Variants in MIGA1 observed in about 807,000 individuals in gnomAD.
MIGA1 encodes family with sequence similarity 73, member A.
MIGA1 carries 58 observed loss-of-function variants against 82.0 expected under a neutral mutation model. That is an observed-to-expected ratio of 0.71 (90% CI 0.57 to 0.88). The LOEUF is 0.88. Among genes scored for constraint, MIGA1 ranks in the 40% least tolerant of loss-of-function variants. The pLI is 0.00. For missense variants in MIGA1, 751 were observed against 749.1 expected, an observed-to-expected ratio of 1.00 and a Z score of -0.03; for synonymous variants, 249 against 253.6, an observed-to-expected ratio of 0.98 and a Z score of 0.17.
At chr1:77,814,767 G>T (rs895176743) in intron 6 of MIGA1, among the ~76,000 whole-genome samples, 8 of 152,178 alleles carry the variant, frequency 5.3e-5, no homozygotes, top group African/African-American at 1.9e-4. Context: ...GTTTCTCATT[G>T]ACTAGGACTG....
intron 7 of MIGA1, among the ~76,000 whole-genome samples, chr1:77,841,772 C>A (rs11162388): frequency 0.68 from 101,540 of 148,822 alleles, 36,496 homozygotes; most frequent in Non-Finnish European, 0.81. Flanking sequence ...CCTTTCTCTC[C>A]CTCTCTCTCT....
intron 8 of MIGA1, among the ~76,000 whole-genome samples, chr1:77,857,407 G>A (rs1226009046): frequency 6.7e-6 from 1 of 150,362 alleles, no homozygotes; most frequent in African/African-American, 2.5e-5. Context: ...TTTCACTCTT[G>A]TTGCCCAGGC....
intron 2 of MIGA1, among the ~76,000 whole-genome samples, chr1:77,791,466 A>G (rs1682421436): frequency 6.6e-6 from 1 of 151,920 alleles, no homozygotes. Flanking sequence ...ATTTAATATT[A>G]CAAAATAAAC....
intron 7 of MIGA1, among the ~76,000 whole-genome samples, chr1:77,839,452 C>A: frequency 6.6e-6 from 1 of 151,920 alleles, no homozygotes; most frequent in Non-Finnish European, 1.5e-5. Context: ...CTCACTGCAG[C>A]CTTGAACTTA....
At chr1:77,855,787 TTC>T (rs902308837) in intron 8 of MIGA1, among the ~76,000 whole-genome samples, 32 of 152,102 alleles carry the variant, frequency 2.1e-4, no homozygotes, top group African/African-American at 7.2e-4. Flanking sequence ...TCTAGGAGCT[TTC>T]TAGACAACTT....
intron 14 of MIGA1, among the ~76,000 whole-genome samples, chr1:77,871,141 G>A (rs1571026401): frequency 6.7e-6 from 1 of 148,712 alleles, no homozygotes; most frequent in Non-Finnish European, 1.5e-5. Flanking sequence ...AGAGGGAGAG[G>A]GCAGCACATT....
intron 2 of MIGA1, among the ~76,000 whole-genome samples, chr1:77,787,934 G>T (rs1186917183): frequency 2.0e-5 from 3 of 150,852 alleles, no homozygotes; most frequent in African/African-American, 7.3e-5. Flanking sequence ...TCCTGCCTCA[G>T]CCTCCCGAGT....
At chr1:77,786,573 A>G (rs1430541579) in intron 2 of MIGA1, among the ~76,000 whole-genome samples, 2 of 152,124 alleles carry the variant, frequency 1.3e-5, no homozygotes, top group African/African-American at 4.8e-5. Flanking sequence ...TAGATACCCT[A>G]AATCATCTCT....
rs1172179716 is a variant in MIGA1 at position 77,877,460 on chromosome 1, G to A, written c.*2396G>A. 1 of 152,118 alleles carries A rather than the reference G, an allele frequency of 6.6e-6. No individual in the cohort carries two copies. Among genetic ancestry groups the A allele is most frequent in the African/African-American group, 2.4e-5 (1 of 41,422 alleles). The allele number at this position is 152,118 out of a possible 1,614,324, so 9.4% of individuals were successfully genotyped here. ...ATTATTGACGGGAATATGATTAGAA[G>A]TACCAAAACTAAAAATTCCATTATG... On this transcript the variant is annotated 3_prime_UTR_variant, in exon 16 of 16. Coordinates refer to ENST00000370791, the MANE Select transcript of MIGA1 (RefSeq NM_198549.4).
At chr1:77,871,514 A>C (rs1646833940) in intron 14 of MIGA1, among the ~76,000 whole-genome samples, 1 of 152,010 alleles carries the variant, frequency 6.6e-6, no homozygotes, top group African/African-American at 2.4e-5. Flanking sequence ...AAAAAAAAAA[A>C]GAAAAGAAAA....
At chr1:77,817,726 T>C (rs1314194509) in intron 7 of MIGA1, among the ~76,000 whole-genome samples, 1 of 152,168 alleles carries the variant, frequency 6.6e-6, no homozygotes, top group Non-Finnish European at 1.5e-5. Context: ...CTCTCCTCAT[T>C]CTTTAAATCC....
At chr1:77,807,285 C>T (rs1432463482) in intron 5 of MIGA1, among the ~76,000 whole-genome samples, 184 bp downstream of exon 5, 1 of 152,144 alleles carries the variant, frequency 6.6e-6, no homozygotes, top group Non-Finnish European at 1.5e-5. Context: ...CCTCAGCCTC[C>T]TGAGTTGCTG....
At chr1:77,783,423 T>A (rs1255211215) in intron 2 of MIGA1, 72 bp downstream of exon 2, 6 of 881,686 alleles carry the variant, frequency 6.8e-6, no homozygotes, top group African/African-American at 1.7e-5. Context: ...TTACATTATT[T>A]CAGTTTTATT....
At position 77,797,878 on chromosome 1, in the gene MIGA1, G is replaced by A. The variant is rs530985893; in HGVS notation, c.196-3453G>A. On this transcript the variant is annotated intron_variant, in intron 2 of 15. Transcript: ENST00000370791. ...TAGATTCTTTGTAACTTTATAGACA[G>A]CTGTATCATATGTGAATAGTTTTAC... Among the ~76,000 whole-genome samples, 299 of 152,208 alleles carry A rather than the reference G, an allele frequency of 2.0e-3. 1 individual carries two copies. The highest frequency in any genetic ancestry group is 0.019 in the South Asian group (91 of 4,820).
intron 1 of MIGA1, chr1:77,780,029 C>G (rs1246774527): frequency 5.1e-6 from 6 of 1,169,174 alleles, no homozygotes; most frequent in Non-Finnish European, 6.4e-6. Flanking sequence ...GCAAAGGAAG[C>G]GCGGAATTGG....
rs907469507 is a variant in MIGA1 at position 77,848,379 on chromosome 1, A to G, written c.996+4972A>G. The stretch of plus-strand genomic sequence containing the variant: ...AGAGAAGGAAGAGAAAAGCAAAGCA[A>G]AGGAAGAGCGTATGAAAGTAAGGAA... On this transcript the variant is annotated intron_variant, in intron 8 of 15. Transcript: ENST00000370791. The G allele has an allele frequency of 6.4e-6, 7 of 1,091,886 alleles. No individual in the cohort carries two copies. The African/African-American group carries it at 1.1e-4, about 17-fold the overall frequency. The allele number at this position is 1,091,886 out of a possible 1,614,324, so 67.6% of individuals were successfully genotyped here.
chr1:77,859,193 C>T (rs1685374885), intron 9 of MIGA1, 121 bp from the exon 10 acceptor site: 1 of 984,360 alleles, frequency 1.0e-6, no homozygotes. Flanking sequence ...CATGTTCTGT[C>T]AGTATTGAAA....
At chr1:77,780,381 G>C (rs1053196774) in intron 1 of MIGA1, among the ~76,000 whole-genome samples, 1 of 152,202 alleles carries the variant, frequency 6.6e-6, no homozygotes, top group Non-Finnish European at 1.5e-5. Context: ...GGAAGACTCA[G>C]CTTGTTTTTG....
chr1:77,851,807 T>A (rs1235279329), intron 8 of MIGA1, among the ~76,000 whole-genome samples: 1 of 152,046 alleles, frequency 6.6e-6, no homozygotes, highest in Non-Finnish European at 1.5e-5. Flanking sequence ...ATTGTTGGAT[T>A]GTCTTCTTAT....
Sources: allele counts gnomAD v4.1 joint callset (sites outside exome capture counted in the v4.1 genomes callset), GRCh38; gene constraint gnomAD v4.1.1; transcripts MANE v1.5; gene names NCBI Gene and HGNC (gene_info 2026-07-23, HGNC 2026-07-21).